Variants in GRIN2A observed in about 807,000 individuals in gnomAD.
GRIN2A encodes the protein glutamate receptor ionotropic, NMDA 2A.
A neutral mutation model predicts 113.4 loss-of-function variants in GRIN2A; 22 were observed. The ratio of observed to expected loss-of-function variants is 0.19; its 90% confidence interval spans 0.14 to 0.28. The LOEUF (loss-of-function observed/expected upper bound fraction) is 0.28. GRIN2A is among the 10% of genes least tolerant of loss of function. The probability of loss-of-function intolerance (pLI) is 1.00; values close to 1 mark genes in which losing one functional copy is unlikely to be tolerated. For synonymous variants in GRIN2A, 827 were observed against 738.4 expected, an observed-to-expected ratio of 1.12 and a Z score of -1.94; for missense variants, 1,502 against 1,887.0, an observed-to-expected ratio of 0.80 and a Z score of 3.78.
intron 4 of GRIN2A, among the ~76,000 whole-genome samples, chr16:9,863,819 T>C (rs770569888): frequency 2.0e-5 from 3 of 152,194 alleles, no homozygotes; most frequent in Admixed American, 6.6e-5. Context: ...TGTTTCTATA[T>C]CTGCATCTGT....
chr16:9,812,707 T>A (rs969384703), intron 10 of GRIN2A, among the ~76,000 whole-genome samples: 2 of 151,526 alleles, frequency 1.3e-5, no homozygotes, highest in African/African-American at 2.4e-5. Context: ...AATAAAAAAA[T>A]TTAAAAAACA....
At chr16:10,059,512 GA>G (rs1477551186) in intron 2 of GRIN2A, among the ~76,000 whole-genome samples, 4 of 152,092 alleles carry the variant, frequency 2.6e-5, no homozygotes, top group Non-Finnish European at 5.9e-5. Context: ...ACTGGTGGTA[GA>G]AATGGGTAGG....
intron 11 of GRIN2A, among the ~76,000 whole-genome samples, chr16:9,789,867 C>T (rs757807672): frequency 6.6e-5 from 10 of 152,174 alleles, no homozygotes; most frequent in Non-Finnish European, 1.2e-4. Context: ...TTGGGGAAGG[C>T]ATTAGAGCTA....
chr16:9,910,537 CT>C lies in GRIN2A; in HGVS notation c.1008-19438del, dbSNP rs35352418. Among the ~76,000 whole-genome samples, 531 of 123,254 alleles carry C rather than the reference CT, an allele frequency of 4.3e-3. 1 individual carries two copies. The highest frequency in any genetic ancestry group is 0.013 in the African/African-American group (406 of 32,316). The allele number at this position is 123,254 out of a possible 152,430, so 80.9% of individuals were successfully genotyped here. A position where few individuals can be genotyped will look rare whatever the true frequency, so the allele number is the denominator to read the frequency against. On this transcript the variant is annotated intron_variant, in intron 3 of 12. Coordinates refer to ENST00000330684, the MANE Select transcript of GRIN2A (RefSeq NM_001134407.3). ...GAGTCTCATATGAAGTCTCAGAGTT[CT>C]TTTTTTTTTTTTTTTTTTTGAGACG...
intron 2 of GRIN2A, among the ~76,000 whole-genome samples, chr16:9,954,452 A>G (rs980304158): frequency 6.6e-6 from 1 of 152,102 alleles, no homozygotes; most frequent in Admixed American, 6.5e-5. Context: ...CTCCTCAAGG[A>G]TTTGTTCCAA....
intron 2 of GRIN2A, among the ~76,000 whole-genome samples, chr16:10,055,087 A>G (rs1470426476): frequency 1.1e-4 from 7 of 64,374 alleles, no homozygotes; most frequent in South Asian, 1.1e-3. Flanking sequence ...AAAAAAAAAG[A>G]AAAAAGAAAG....
intron 3 of GRIN2A, among the ~76,000 whole-genome samples, chr16:9,915,437 T>C (rs564685300): frequency 1.3e-5 from 2 of 152,302 alleles, no homozygotes; most frequent in Admixed American, 6.5e-5. Flanking sequence ...AGAAAATACA[T>C]ACAAACAAGT....
chr16:9,876,471 C>A (rs2043368497), intron 4 of GRIN2A, among the ~76,000 whole-genome samples: 1 of 152,114 alleles, frequency 6.6e-6, no homozygotes, highest in Admixed American at 6.6e-5. Flanking sequence ...GAGCTCAGGG[C>A]CTTTGCAGCC....
chr16:9,876,068 A>G (rs1285993670), intron 4 of GRIN2A, among the ~76,000 whole-genome samples: 1 of 152,056 alleles, frequency 6.6e-6, no homozygotes, highest in African/African-American at 2.4e-5. Flanking sequence ...TGGCCTTTGG[A>G]ACACCAAGCT....
chr16:10,107,407 T>C (rs531948882), intron 2 of GRIN2A, among the ~76,000 whole-genome samples: 2 of 152,200 alleles, frequency 1.3e-5, no homozygotes, highest in African/African-American at 2.4e-5. Context: ...GTGTTGAAAC[T>C]GCCCTGAGCT....
At position 9,877,083 on chromosome 16, in the gene GRIN2A, T is replaced by G. The variant is rs562913910; in HGVS notation, c.1122+13903A>C. Among the ~76,000 whole-genome samples, 6 of 152,300 alleles carry G rather than the reference T, an allele frequency of 3.9e-5. No homozygotes were observed. In the East Asian group the frequency reaches 1.2e-3, roughly 29 times the overall value. Reference sequence around the variant, plus strand: ...CAAAGTACTGGAACAAGCACTAAACTTGGAGACTCACAAGACCTAAATTTG... The same window carrying G: ...CAAAGTACTGGAACAAGCACTAAACGTGGAGACTCACAAGACCTAAATTTG... On this transcript the variant is annotated intron_variant, in intron 4 of 12. Transcript: ENST00000330684.
chr16:10,113,882 G>A (rs2048674741), intron 2 of GRIN2A, among the ~76,000 whole-genome samples: 5 of 152,080 alleles, frequency 3.3e-5, no homozygotes, highest in Admixed American at 3.3e-4. Context: ...ATGACCTTGA[G>A]GAGTAGAGTC....
At chr16:9,829,097 A>T (rs1289099135) in intron 9 of GRIN2A, among the ~76,000 whole-genome samples, 1 of 152,138 alleles carries the variant, frequency 6.6e-6, no homozygotes, top group Admixed American at 6.5e-5. Context: ...CACACATTCG[A>T]AAGGATGAAT....
At chr16:9,998,623 A>C (rs1374426014) in intron 2 of GRIN2A, among the ~76,000 whole-genome samples, 1 of 152,226 alleles carries the variant, frequency 6.6e-6, no homozygotes, top group Admixed American at 6.5e-5. Flanking sequence ...AATTTTTATA[A>C]AAATTGGCAA....
intron 10 of GRIN2A, among the ~76,000 whole-genome samples, chr16:9,806,641 G>A (rs1022846077): frequency 6.6e-6 from 1 of 151,894 alleles, no homozygotes; most frequent in Non-Finnish European, 1.5e-5. Flanking sequence ...GACGGAGACA[G>A]AAAGAGAGAA....
At chr16:9,797,573 A>G (rs1398172783) in intron 11 of GRIN2A, among the ~76,000 whole-genome samples, 1 of 152,206 alleles carries the variant, frequency 6.6e-6, no homozygotes, top group Non-Finnish European at 1.5e-5. Context: ...GGATAAGAAC[A>G]TGAGTTGCCA....
At chr16:10,073,670 T>A (rs1439947000) in intron 2 of GRIN2A, among the ~76,000 whole-genome samples, 1 of 152,016 alleles carries the variant, frequency 6.6e-6, no homozygotes, top group African/African-American at 2.4e-5. Flanking sequence ...AAAACTTTTA[T>A]TCATCAAAGG....
At chr16:10,047,931 G>A (rs2047288501) in intron 2 of GRIN2A, among the ~76,000 whole-genome samples, 1 of 152,024 alleles carries the variant, frequency 6.6e-6, no homozygotes, top group African/African-American at 2.4e-5. Flanking sequence ...TCTCACTGGT[G>A]GGCTCCCTCT....
At chr16:9,846,225 G>C (rs966235751) in intron 5 of GRIN2A, among the ~76,000 whole-genome samples, 4 of 152,110 alleles carry the variant, frequency 2.6e-5, no homozygotes, top group African/African-American at 9.7e-5. Context: ...CTCCAGGAGA[G>C]TGGAGGCTGG....
Sources: allele counts gnomAD v4.1 joint callset (sites outside exome capture counted in the v4.1 genomes callset), GRCh38; gene constraint gnomAD v4.1.1; transcripts MANE v1.5; gene names NCBI Gene and HGNC (gene_info 2026-07-23, HGNC 2026-07-21).